Variants in LRRC43 observed in about 807,000 individuals in gnomAD.
LRRC43 encodes leucine rich repeat containing 43.
In LRRC43, 62 loss-of-function variants were observed where a neutral mutation model predicts 64.3. The ratio of observed to expected loss-of-function variants is 0.96; its 90% CI spans 0.79 to 1.19. LRRC43 has a LOEUF of 1.19. Among genes scored for constraint, LRRC43 ranks in the 50% most tolerant of loss-of-function variants. The pLI is 0.00. For synonymous variants in LRRC43, 422 were observed against 382.3 expected (o/e 1.10, Z -1.21); for missense variants, 868 against 845.0 (o/e 1.03, Z -0.34).
At chr12:122,168,354 T>C (rs551200549) in intron 1 of LRRC43, among the ~76,000 whole-genome samples, 8 of 151,642 alleles carry the variant, frequency 5.3e-5, no homozygotes, top group African/African-American at 1.9e-4. Context: ...GGCAGGAGAA[T>C]TGCTAGAACC....
intron 4 of LRRC43, among the ~76,000 whole-genome samples, chr12:122,189,064 C>T (rs1397183804): frequency 6.6e-6 from 1 of 152,172 alleles, no homozygotes; most frequent in Non-Finnish European, 1.5e-5. Flanking sequence ...GTTCAGCTCC[C>T]AGTTGATATT....
At chr12:122,169,533 G>T (rs1027621613) in intron 1 of LRRC43, among the ~76,000 whole-genome samples, 2 of 151,912 alleles carry the variant, frequency 1.3e-5, no homozygotes, top group Admixed American at 1.3e-4. Context: ...GGCTAACACG[G>T]TGAAACCCCG....
intron 7 of LRRC43, among the ~76,000 whole-genome samples, chr12:122,194,510 G>A (rs1953755150): frequency 6.7e-6 from 1 of 150,188 alleles, no homozygotes; most frequent in Admixed American, 6.7e-5. Context: ...AGGTTGCGGT[G>A]AGCCAGGATT....
rs1448443399 is a variant in LRRC43, at chr12:122,190,274, C to T, written c.807C>T (p.Leu269=). 6.2e-7 allele frequency: 1 copy of T among 1,614,088 alleles called. No homozygotes were observed. Among genetic ancestry groups the T allele is most frequent in the Non-Finnish European group, 8.5e-7 (1 of 1,180,036 alleles). Residue 269 remains leucine, a synonymous_variant, in exon 5 of 12, where the codon CTC becomes CTT. Coordinates refer to ENST00000339777, the MANE Select transcript of LRRC43 (RefSeq NM_001098519.2). The stretch of plus-strand genomic sequence containing the variant: ...CCTTGGTGCCCTACTACCGCGGCCT[C>T]ACCATCGACAGCCTGGCCCAGCTCT... ...PLALVPYYRG[L]TIDSLAQLCV... is the part of the protein sequence containing the mutation.
Position 122,184,644 on chromosome 12 carries a change from C to T in LRRC43, c.276C>T (p.His92=). 2 of 1,614,008 alleles carry T rather than the reference C, an allele frequency of 1.2e-6. No individual in the cohort carries two copies. The highest frequency in any genetic ancestry group is 1.7e-6 in the Non-Finnish European group (2 of 1,179,898). ...TGCTGGGCCTGGTCCGCAGCCGCCACTCCCCCTGGGCTCTGCTGAACAACT... is the reference window on the plus strand; with the variant it reads ...TGCTGGGCCTGGTCCGCAGCCGCCATTCCCCCTGGGCTCTGCTGAACAACT... The part of the protein sequence containing the change: ...EALLGLVRSR[H]SPWALLNNSN... Residue 92 remains histidine (H), a synonymous_variant, in exon 2 of 12, where the codon CAC becomes CAT. Transcript: ENST00000339777. The surrounding 1 kb of genome is among the most constrained non-coding windows in gnomAD (Gnocchi z 4.0).
At chr12:122,177,478 TGTG>T (rs1953546518) in intron 1 of LRRC43, among the ~76,000 whole-genome samples, 1 of 12,942 alleles carries the variant, frequency 7.7e-5, no homozygotes, top group Non-Finnish European at 2.1e-4. Flanking sequence ...AGAGAGAAAG[TGTG>T]TGTGTGTGTG....
At chr12:122,196,951 G>C (rs932540844) in intron 7 of LRRC43, among the ~76,000 whole-genome samples, 3 of 152,136 alleles carry the variant, frequency 2.0e-5, no homozygotes, top group African/African-American at 7.2e-5. Context: ...CCAAAGAACA[G>C]ACTCAGAGAC....
At chr12:122,191,281 G>T in intron 5 of LRRC43, 99 bp from the exon 6 acceptor site, 1 of 1,019,234 alleles carries the variant, frequency 9.8e-7, no homozygotes, top group Non-Finnish European at 1.4e-6. Context: ...CCTGAGTGCT[G>T]GAGAGAATCT....
Position 122,191,584 on chromosome 12 carries a change from C to CCCA in LRRC43, c.1089+19_1089+20insACC, listed in dbSNP as rs1434379552. ...CTGGCCGAGGTGTGCCCTGGTCTGT[C>CCCA]CCTAGGAGTATGGGGGGCTCTTGTG... On this transcript the variant is annotated intron_variant, in intron 6 of 11. Transcript: ENST00000339777. 1.2e-6 allele frequency: 2 copies of CCCA among 1,606,272 alleles called. No homozygotes were observed. Among genetic ancestry groups the CCCA allele is most frequent in the Non-Finnish European group, 1.7e-6 (2 of 1,175,510 alleles).
chr12:122,181,878 T>A (rs2136025295), upstream of LRRC43, among the ~76,000 whole-genome samples: 1 of 151,778 alleles, frequency 6.6e-6, no homozygotes, highest in South Asian at 2.1e-4. Flanking sequence ...AGTGCTGGGT[T>A]TACAGGGGTG....
chr12:122,192,054 C>T (rs2136047417), intron 6 of LRRC43, among the ~76,000 whole-genome samples: 1 of 152,248 alleles, frequency 6.6e-6, no homozygotes, highest in Non-Finnish European at 1.5e-5. Flanking sequence ...TCCCCTTGCC[C>T]CCTTAAAATC....
intron 6 of LRRC43, among the ~76,000 whole-genome samples, chr12:122,192,155 T>C (rs1485280953): frequency 6.6e-6 from 1 of 151,972 alleles, no homozygotes; most frequent in Non-Finnish European, 1.5e-5. Context: ...TGTGTGTGTG[T>C]GTGATGGAGT....
chr12:122,173,149 GT>G (rs147335002), intron 1 of LRRC43, among the ~76,000 whole-genome samples: 2 of 152,022 alleles, frequency 1.3e-5, no homozygotes, highest in Non-Finnish European at 2.9e-5. Flanking sequence ...GCAGGCGAGA[GT>G]TTTCCCCAAC....
chr12:122,189,743 C>A (rs1444230132), intron 4 of LRRC43, among the ~76,000 whole-genome samples: 1 of 152,248 alleles, frequency 6.6e-6, no homozygotes, highest in Non-Finnish European at 1.5e-5. Flanking sequence ...GCCCTGTCCA[C>A]AACTCCCCCA....
At chr12:122,169,614 G>T (rs1303064257) in intron 1 of LRRC43, among the ~76,000 whole-genome samples, 1 of 151,530 alleles carries the variant, frequency 6.6e-6, no homozygotes, top group Non-Finnish European at 1.5e-5. Flanking sequence ...TATTCTGGAG[G>T]CTGAGGCAGT....
intron 1 of LRRC43, among the ~76,000 whole-genome samples, chr12:122,171,607 A>G (rs1953485874): frequency 6.6e-6 from 1 of 151,784 alleles, no homozygotes; most frequent in South Asian, 2.1e-4. Flanking sequence ...GCAGTCCTCC[A>G]GCCTTAGCTT....
intron 5 of LRRC43, 139 bp from the exon 6 acceptor site, chr12:122,191,241 A>G (rs1456234801): frequency 4.4e-6 from 3 of 676,274 alleles, no homozygotes; most frequent in African/African-American, 3.6e-5. Flanking sequence ...GAGCTGTGAC[A>G]TGAACCTGAC....
chr12:122,184,612 G>A lies in LRRC43; in HGVS notation c.244G>A (p.Glu82Lys). 1 of 1,613,932 alleles carries A rather than the reference G, an allele frequency of 6.2e-7. No individual in the cohort carries two copies. Among genetic ancestry groups the A allele is most frequent in the East Asian group, 2.2e-5 (1 of 44,876 alleles). Residue 82 changes from glutamate to lysine, a missense_variant, in exon 2 of 12, where the codon GAG (glutamate) becomes AAG (lysine). Coordinates refer to ENST00000339777, the MANE Select transcript of LRRC43 (RefSeq NM_001098519.2). This position sits in a 1 kb window ranked among gnomAD's most constrained non-coding sequence, Gnocchi z 4.0. ...DVVSPGEETV[E>K]ALLGLVRSRH... The stretch of plus-strand genomic sequence containing the variant: ...GGTGAGCCCCGGAGAGGAGACGGTG[G>A]AGGCCCTGCTGGGCCTGGTCCGCAG...
At chr12:122,168,879 T>C (rs1953461859) in intron 1 of LRRC43, among the ~76,000 whole-genome samples, 1 of 152,214 alleles carries the variant, frequency 6.6e-6, no homozygotes, top group Non-Finnish European at 1.5e-5. Flanking sequence ...TCTTAGCCTT[T>C]CCTTGTTTTT....
Sources: allele counts gnomAD v4.1 joint callset (sites outside exome capture counted in the v4.1 genomes callset), GRCh38; gene constraint gnomAD v4.1.1; non-coding constraint Gnocchi (gnomAD v3.1); transcripts MANE v1.5; gene names NCBI Gene and HGNC (gene_info 2026-07-23, HGNC 2026-07-21).